PWP2: variants seen among roughly 807,000 people sequenced by gnomAD.
PWP2 encodes the protein PWP2 small subunit processome component.
For synonymous variants in PWP2, 24 were observed against 45.4 expected (o/e 0.53, Z 1.89); for missense variants, 35 against 114.1 (o/e 0.31, Z 3.16).
At chr21:44,119,095 C>T in intron 9 of PWP2, 1 of 198,000 alleles carries the variant, frequency 5.1e-6, no homozygotes, top group Non-Finnish European at 1.2e-5. Flanking sequence ...GGTGCCCTTC[C>T]TGCTCTGGCC....
Position 44,108,971 on chromosome 21 carries a change from GT to G in PWP2, c.19-9del. 3.1e-6 allele frequency: 1 copy of G among 320,674 alleles called. No individual in the cohort carries two copies. Among genetic ancestry groups the G allele is most frequent in the African/African-American group, 2.1e-5 (1 of 47,672 alleles). The allele number at this position is 320,674 out of a possible 1,614,324, so 19.9% of individuals were successfully genotyped here. On this transcript the variant is annotated splice_polypyrimidine_tract_variant and intron_variant, in intron 1 of 20. Transcript: ENST00000291576. ...GTTTTCTTTGTGTTAAGACAATTTT[GT>G]TTTCTTCACAGTTTTCAAATTTGCT... is the stretch of plus-strand genomic sequence containing the variant.
chr21:44,117,280 G>A lies in PWP2; in HGVS notation c.837-540G>A, dbSNP rs143750702. Among the ~76,000 whole-genome samples, 232 of 41,918 alleles carry A rather than the reference G, an allele frequency of 5.5e-3. 28 individuals carry two copies. Among genetic ancestry groups the A allele is most frequent in the African/African-American group, 0.011 (226 of 21,262 alleles). The allele number at this position is 41,918 out of a possible 152,430, so 27.5% of individuals were successfully genotyped here. The stretch of plus-strand genomic sequence containing the variant: ...AGTGTGCCTGCTAGGCGGGGACTGC[G>A]GGCTGTCAGCGCGAAACATGTGAAG... On this transcript the variant is annotated intron_variant, in intron 7 of 20. Coordinates refer to ENST00000291576, the MANE Select transcript of PWP2 (RefSeq NM_005049.3).
At chr21:44,109,130 TA>T in intron 2 of PWP2, 34 bp downstream of exon 2, 2 of 277,846 alleles carry the variant, frequency 7.2e-6, no homozygotes, top group Non-Finnish European at 1.7e-5. Context: ...ATAATAGTGA[TA>T]CTGATTACTA....
Position 44,107,454 on chromosome 21 carries a change from G to C in PWP2, c.18+20G>C, listed in dbSNP as rs200154748. 7.5e-6 allele frequency: 10 copies of C among 1,337,970 alleles called. 1 individual carries two copies. The African/African-American group carries it at 7.7e-5, about 10-fold the overall frequency. The allele number at this position is 1,337,970 out of a possible 1,614,324, so 82.9% of individuals were successfully genotyped here. A position where few individuals can be genotyped will look rare whatever the true frequency, so the allele number is the denominator to read the frequency against. ...TACCGGGTGAGCGCGGGCGGCGGGC[G>C]GTCTGTTGGATCGGCGCGGCTCTTC... On this transcript the variant is annotated intron_variant, in intron 1 of 20. Transcript: ENST00000291576.
chr21:44,129,140 C>T (rs1331898926), intron 20 of PWP2, among the ~76,000 whole-genome samples: 1 of 70,150 alleles, frequency 1.4e-5, no homozygotes, highest in African/African-American at 3.1e-5. Context: ...CAGGGGTGCC[C>T]GCCTCTTCTC....
At chr21:44,107,495 G>GAGCTGGCTCCGGGCGGA in intron 1 of PWP2, 61 bp downstream of exon 1, 1 of 874,616 alleles carries the variant, frequency 1.1e-6, no homozygotes, top group Non-Finnish European at 1.6e-6. Flanking sequence ...GACGGCGCCT[G>GAGCTGGCTCCGGGCGGA]AGCTGGCTCC....
intron 2 of PWP2, 38 bp downstream of exon 2, chr21:44,109,134 G>GT: frequency 7.3e-6 from 2 of 272,778 alleles, no homozygotes; most frequent in Non-Finnish European, 1.7e-5. Flanking sequence ...TAGTGATACT[G>GT]ATTACTATTA....
At chr21:44,117,360 G>A (rs1354180377) in intron 7 of PWP2, among the ~76,000 whole-genome samples, 1 of 18,828 alleles carries the variant, frequency 5.3e-5, no homozygotes. Flanking sequence ...CAGGAGGGAC[G>A]GGGTCCAGAA....
rs1012024912 is a variant in PWP2 at position 44,107,581 on chromosome 21, G to A, written c.18+147G>A. 4.2e-5 allele frequency: 8 copies of A among 188,624 alleles called. 1 individual carries two copies. The highest frequency in any genetic ancestry group is 1.8e-4 in the African/African-American group (8 of 44,144). 11.7% of individuals were successfully genotyped at this position (188,624 alleles called of 1,614,324 possible). A position where few individuals can be genotyped will look rare whatever the true frequency, so the allele number is the denominator to read the frequency against. The stretch of plus-strand genomic sequence containing the variant: ...GGTCGCCGGCTGTCTGCGCGCCCGT[G>A]GCCTCGGGGACGCGGGGCTGTGGTG... On this transcript the variant is annotated intron_variant, in intron 1 of 20. Transcript: ENST00000291576.
In PWP2 at chr21:44,129,150, C is replaced by T. The variant is rs1034807866; in HGVS notation, c.2585+524C>T. On this transcript the variant is annotated intron_variant, in intron 20 of 20. Coordinates refer to ENST00000291576, the MANE Select transcript of PWP2 (RefSeq NM_005049.3). ...CTCTGCAGGGGTGCCCGCCTCTTCTCCTGTCATTTCTTTGTGGTTTGTGCC... is the reference window on the plus strand; with the variant it reads ...CTCTGCAGGGGTGCCCGCCTCTTCTTCTGTCATTTCTTTGTGGTTTGTGCC... Among the ~76,000 whole-genome samples the T allele has an allele frequency of 1.2e-4, 8 of 68,906 alleles. 3 individuals are homozygous for T. The highest frequency in any genetic ancestry group is 2.5e-4 in the African/African-American group (8 of 31,712). The allele number at this position is 68,906 out of a possible 152,430, so 45.2% of individuals were successfully genotyped here.
chr21:44,118,913 C>A, intron 9 of PWP2, 80 bp downstream of exon 9: 1 of 395,774 alleles, frequency 2.5e-6, no homozygotes, highest in Non-Finnish European at 4.6e-6. Context: ...ACTTGACAGC[C>A]ACCCACTGGG....
intron 20 of PWP2, among the ~76,000 whole-genome samples, chr21:44,128,859 T>C (rs900655611): frequency 1.3e-5 from 1 of 75,532 alleles, no homozygotes; most frequent in African/African-American, 2.9e-5. Flanking sequence ...GCAGACAGGC[T>C]GCAGGTGGCG....
At chr21:44,117,092 G>A (rs1364927188) in intron 7 of PWP2, among the ~76,000 whole-genome samples, 1 of 70,656 alleles carries the variant, frequency 1.4e-5, no homozygotes, top group African/African-American at 3.1e-5. Context: ...CAGTGCCCGC[G>A]GGTGGGTCAG....
Position 44,120,462 on chromosome 21 carries a change from A to G in PWP2, c.1303A>G (p.Met435Val), listed in dbSNP as rs760607279. The G allele has an allele frequency of 3.2e-6, 1 of 317,220 alleles. No homozygotes were observed. The highest frequency in any genetic ancestry group is 2.3e-5 in the South Asian group (1 of 42,618). 19.7% of individuals were successfully genotyped at this position (317,220 alleles called of 1,614,324 possible). A position where few individuals can be genotyped will look rare whatever the true frequency, so the allele number is the denominator to read the frequency against. The change falls in exon 11 of 21, where the codon ATG becomes GTG. Residue 435 changes from methionine (M) to valine (V), a missense_variant. Met to Val is a conservative substitution (Grantham distance 21). Coordinates refer to ENST00000291576, the MANE Select transcript of PWP2 (RefSeq NM_005049.3). ...ATGYVVVTSS[M>V]DGTVRAFDLH... is the part of the protein sequence containing the mutation. ...CGGCTACGTTGTGGTGACCTCATCC[A>G]TGGACGGGACCGTGCGAGCCTTTGA... is the stretch of plus-strand genomic sequence containing the variant.
At position 44,119,200 on chromosome 21, in the gene PWP2, C is replaced by T. The variant is rs1057171189; in HGVS notation, c.1052-187C>T. 7 of 183,816 alleles carry T rather than the reference C, an allele frequency of 3.8e-5. 2 individuals are homozygous for T. The highest frequency in any genetic ancestry group is 1.6e-4 in the African/African-American group (7 of 42,594). The allele number at this position is 183,816 out of a possible 1,614,324, so 11.4% of individuals were successfully genotyped here. A position where few individuals can be genotyped will look rare whatever the true frequency, so the allele number is the denominator to read the frequency against. ...ACCTGCAACCACTGGGTTGCACGGG[C>T]GGGGCCCATCACTGGCTGGTGAAGC... On this transcript the variant is annotated intron_variant, in intron 9 of 20. Transcript: ENST00000291576.
In PWP2 at chr21:44,109,003, C is replaced by G; in HGVS notation, c.38C>G (p.Thr13Arg). The change falls in exon 2 of 21, where the codon ACG (threonine) becomes AGG (arginine). Residue 13 changes from threonine (T) to arginine (R), a missense_variant. Physicochemically the swap from Thr to Arg is moderately conservative, Grantham distance 71. Transcript: ENST00000291576. ...TCACAGTTTTCAAATTTGCTGGGTA[C>G]GGTGTACCGGCGTGGGAACCTAAAT... is the stretch of plus-strand genomic sequence containing the variant. ...FAYRFSNLLG[T>R]VYRRGNLNFT... is the part of the protein sequence containing the mutation. 1 of 548,574 alleles carries G rather than the reference C, an allele frequency of 1.8e-6. No individual in the cohort carries two copies. Among genetic ancestry groups the G allele is most frequent in the South Asian group, 1.8e-5 (1 of 55,170 alleles). The allele number at this position is 548,574 out of a possible 1,614,324, so 34.0% of individuals were successfully genotyped here. A position where few individuals can be genotyped will look rare whatever the true frequency, so the allele number is the denominator to read the frequency against.
At chr21:44,112,091 T>C (rs1028016402) in intron 2 of PWP2, among the ~76,000 whole-genome samples, 1 of 73,466 alleles carries the variant, frequency 1.4e-5, no homozygotes, top group African/African-American at 3.0e-5. Context: ...ACAAAGGATT[T>C]AGAATATGAC....
rs533565485 is a variant in PWP2, at chr21:44,119,185, A to G, written c.1052-202A>G. ...CCTGCCTCAGTTGTGACCTGCAACC[A>G]CTGGGTTGCACGGGCGGGGCCCATC... On this transcript the variant is annotated intron_variant, in intron 9 of 20. Coordinates refer to ENST00000291576, the MANE Select transcript of PWP2 (RefSeq NM_005049.3). The G allele has an allele frequency of 1.1e-5, 2 of 185,914 alleles. 1 individual carries two copies. Among genetic ancestry groups the G allele is most frequent in the Non-Finnish European group, 2.6e-5 (2 of 75,980 alleles). 11.5% of individuals were successfully genotyped at this position (185,914 alleles called of 1,614,324 possible).
At position 44,109,145 on chromosome 21, in the gene PWP2, T is replaced by C. The variant is rs373364319; in HGVS notation, c.131+49T>C. On this transcript the variant is annotated intron_variant, in intron 2 of 20. Coordinates refer to ENST00000291576, the MANE Select transcript of PWP2 (RefSeq NM_005049.3). Reference sequence around the variant, plus strand: ...ATAATAGTGATACTGATTACTATTATCACCATTTTTTAAGTAACATATGAA... The same window carrying C: ...ATAATAGTGATACTGATTACTATTACCACCATTTTTTAAGTAACATATGAA... 9 of 252,606 alleles carry C rather than the reference T, an allele frequency of 3.6e-5. 1 individual carries two copies. Among genetic ancestry groups the C allele is most frequent in the African/African-American group, 1.8e-4 (8 of 43,600 alleles). The allele number at this position is 252,606 out of a possible 1,614,324, so 15.6% of individuals were successfully genotyped here.
Sources: gnomAD v4.1 joint callset for allele counts (sites outside exome capture counted in the v4.1 genomes callset) on GRCh38, gnomAD v4.1.1 for gene constraint, MANE v1.5 for transcripts, NCBI Gene and HGNC (gene_info 2026-07-23, HGNC 2026-07-21) for gene names.